AMPH: variants seen among roughly 807,000 people sequenced by gnomAD.
AMPH encodes amphiphysin.
A neutral mutation model predicts 99.1 loss-of-function variants in AMPH; 49 were observed. The observed-to-expected ratio is 0.49, with a 90% CI of 0.39 to 0.63. The LOEUF (loss-of-function observed/expected upper bound fraction) is 0.63. Among genes scored for constraint, AMPH ranks in the 20% least tolerant of loss-of-function variants. AMPH has a pLI of 0.00. For missense variants in AMPH, 759 were observed against 863.4 expected, an observed-to-expected ratio of 0.88 and a Z score of 1.52; for synonymous variants, 314 against 317.3, an observed-to-expected ratio of 0.99 and a Z score of 0.11.
At chr7:38,431,651 C>T (rs1484447524) in intron 13 of AMPH, among the ~76,000 whole-genome samples, 2 of 144,130 alleles carry the variant, frequency 1.4e-5, no homozygotes, top group East Asian at 2.0e-4. Flanking sequence ...AGCGAGACTC[C>T]GTCTTAAAAA....
chr7:38,503,888 T>A (rs763172260), intron 2 of AMPH, among the ~76,000 whole-genome samples, 184 bp from the exon 3 acceptor site: 5 of 152,200 alleles, frequency 3.3e-5, no homozygotes, highest in Non-Finnish European at 5.9e-5. Context: ...GAAATTTTGT[T>A]CCACTTCAAA....
chr7:38,529,466 T>C (rs1048096325), intron 2 of AMPH, among the ~76,000 whole-genome samples: 2 of 152,228 alleles, frequency 1.3e-5, no homozygotes, highest in African/African-American at 2.4e-5. Context: ...ATTGAAGGCA[T>C]TGGTACAGCA....
intron 14 of AMPH, chr7:38,427,942 T>C (rs1785846466): frequency 2.2e-6 from 1 of 456,638 alleles, no homozygotes; most frequent in African/African-American, 2.0e-5. Context: ...TCTCGGGAAC[T>C]AGCAGAACTC....
At chr7:38,549,684 G>C (rs937115050) in intron 1 of AMPH, among the ~76,000 whole-genome samples, 3 of 152,174 alleles carry the variant, frequency 2.0e-5, no homozygotes, top group African/African-American at 4.8e-5. Flanking sequence ...TCCCACATAT[G>C]GTCTTGGTGT....
At chr7:38,432,735 G>A (rs1023282380) in intron 12 of AMPH, among the ~76,000 whole-genome samples, 7 of 152,066 alleles carry the variant, frequency 4.6e-5, no homozygotes, top group African/African-American at 1.7e-4. Flanking sequence ...TCATTCAAGA[G>A]GATGTAGGAT....
chr7:38,534,456 C>T (rs572918068), intron 2 of AMPH, among the ~76,000 whole-genome samples: 60 of 151,994 alleles, frequency 3.9e-4, no homozygotes, highest in Non-Finnish European at 6.6e-4. Context: ...GTGGATCGCT[C>T]GAGTCCAGGA....
chr7:38,530,037 A>G (rs529027101), intron 2 of AMPH, among the ~76,000 whole-genome samples: 1 of 152,234 alleles, frequency 6.6e-6, no homozygotes. Context: ...TTGCAAAAAT[A>G]CATACCATAT....
At chr7:38,450,326 C>T (rs1416235099) in intron 11 of AMPH, among the ~76,000 whole-genome samples, 1 of 152,198 alleles carries the variant, frequency 6.6e-6, no homozygotes, top group Admixed American at 6.5e-5. Flanking sequence ...TTTTCTTCCT[C>T]TCTGCCACTG....
chr7:38,588,530 T>C (rs557757571), intron 1 of AMPH, among the ~76,000 whole-genome samples: 3 of 152,328 alleles, frequency 2.0e-5, no homozygotes, highest in East Asian at 3.9e-4. Flanking sequence ...AAATGTCTAC[T>C]GTATGTGCCA....
At chr7:38,627,325 C>A (rs928654275) in intron 1 of AMPH, among the ~76,000 whole-genome samples, 1 of 145,346 alleles carries the variant, frequency 6.9e-6, no homozygotes. Flanking sequence ...GGGCAGATAA[C>A]GAGGTCAGGA....
chr7:38,458,611 C>T (rs1787320580), intron 11 of AMPH, among the ~76,000 whole-genome samples: 1 of 152,246 alleles, frequency 6.6e-6, no homozygotes, highest in South Asian at 2.1e-4. Flanking sequence ...CACAAATCTA[C>T]ATGATTATCT....
intron 11 of AMPH, among the ~76,000 whole-genome samples, chr7:38,456,021 T>C (rs1206599397): frequency 6.6e-6 from 1 of 152,120 alleles, no homozygotes. Flanking sequence ...TACACCACCT[T>C]AGAGGGGCCC....
At chr7:38,631,103 G>A (rs1794444779) in intron 1 of AMPH, among the ~76,000 whole-genome samples, 180 bp downstream of exon 1, 1 of 151,934 alleles carries the variant, frequency 6.6e-6, no homozygotes, top group South Asian at 2.1e-4. Context: ...CGCGGCGCCC[G>A]GGTCGCGCCT....
intron 11 of AMPH, among the ~76,000 whole-genome samples, chr7:38,450,973 C>T (rs562719686): frequency 6.6e-6 from 1 of 151,830 alleles, no homozygotes; most frequent in African/African-American, 2.4e-5. Flanking sequence ...TCACTGTAAC[C>T]TCGACCTCCT....
chr7:38,544,020 C>T (rs1304402880), intron 1 of AMPH, among the ~76,000 whole-genome samples: 2 of 152,116 alleles, frequency 1.3e-5, no homozygotes, highest in East Asian at 3.9e-4. Context: ...TACTATAATG[C>T]CCTAAAAACA....
At chr7:38,482,412 G>C (rs953539353) in intron 5 of AMPH, among the ~76,000 whole-genome samples, 8 of 152,060 alleles carry the variant, frequency 5.3e-5, no homozygotes, top group Non-Finnish European at 2.9e-5. Flanking sequence ...TAAAAGAATT[G>C]CTCAAGGAAA....
intron 1 of AMPH, among the ~76,000 whole-genome samples, chr7:38,590,733 C>G (rs912439862): frequency 1.3e-5 from 2 of 152,146 alleles, no homozygotes; most frequent in African/African-American, 4.8e-5. Flanking sequence ...CCTTCCCCAG[C>G]TAGGCTTAAG....
At chr7:38,431,184 T>A (rs1786006225) in intron 13 of AMPH, among the ~76,000 whole-genome samples, 1 of 152,220 alleles carries the variant, frequency 6.6e-6, no homozygotes, top group South Asian at 2.1e-4. Context: ...GGAGTAGTTA[T>A]CCTTACACAT....
chr7:38,430,751 A>G (rs1056555156), intron 13 of AMPH, among the ~76,000 whole-genome samples: 51 of 152,264 alleles, frequency 3.3e-4, no homozygotes, highest in African/African-American at 1.2e-3. Context: ...ACTTTTCACT[A>G]GAAAAGATAT....
Sources: allele counts gnomAD v4.1 joint callset (sites outside exome capture counted in the v4.1 genomes callset), GRCh38; gene constraint gnomAD v4.1.1; transcripts MANE v1.5; gene names NCBI Gene and HGNC (gene_info 2026-07-23, HGNC 2026-07-21).